GPN3: variants seen among roughly 807,000 people sequenced by gnomAD.
GPN3 encodes GPN-loop GTPase 3.
A neutral mutation model predicts 38.7 loss-of-function variants in GPN3; 31 were observed. The ratio of observed to expected loss-of-function variants is 0.80; its 90% CI spans 0.60 to 1.08. The LOEUF is 1.08. GPN3 is among the 50% of genes least tolerant of loss of function. The pLI is 0.00. For missense variants in GPN3, 301 were observed against 354.4 expected (o/e 0.85, Z 1.21); for synonymous variants, 116 against 120.2 (o/e 0.96, Z 0.23).
rs767355716 is a variant in GPN3 at position 110,453,772 on chromosome 12, C to G, written c.763G>C (p.Gly255Arg). The G allele has an allele frequency of 6.2e-7, 1 of 1,601,078 alleles. No individual in the cohort carries two copies. Among genetic ancestry groups the G allele is most frequent in the Non-Finnish European group, 8.6e-7 (1 of 1,168,382 alleles). The change falls in exon 7 of 8, where the codon GGA (glycine) becomes CGA (arginine). Residue 255 changes from glycine (G) to arginine (R), a missense_variant. Transcript: ENST00000228827. Reference sequence around the variant, plus strand: ...GGTTCTTTAAATTCTAGGTCTTCTCCATATTGAATGGCAAAATCAATATGC... The same window carrying G: ...GGTTCTTTAAATTCTAGGTCTTCTCGATATTGAATGGCAAAATCAATATGC... Reference protein sequence around the residue: ...LQHIDFAIQYGEDLEFKEPKE... With the variant: ...LQHIDFAIQYREDLEFKEPKE...
intron 6 of GPN3, among the ~76,000 whole-genome samples, chr12:110,455,064 T>C (rs2062540107): frequency 6.6e-6 from 1 of 151,200 alleles, no homozygotes; most frequent in Admixed American, 6.6e-5. Flanking sequence ...CCTCAGGTGA[T>C]CCACCCACCT....
chr12:110,468,345 C>G (rs1190043795), upstream of GPN3: 2 of 1,539,266 alleles, frequency 1.3e-6, no homozygotes, highest in Admixed American at 3.9e-5. Flanking sequence ...TACGGGGCAG[C>G]CCGCGGGCCA....
Position 110,455,691 on chromosome 12 carries a change from G to A in GPN3, c.567-9C>T. On this transcript the variant is annotated splice_polypyrimidine_tract_variant and intron_variant, in intron 5 of 7. Coordinates refer to ENST00000228827, the MANE Select transcript of GPN3 (RefSeq NM_016301.4). ...TGTCTGGATCTAAAAATCTTTAAAA[G>A]ACAGAAAGACTGATGAATTCAGGAG... 8.7e-7 allele frequency: 1 copy of A among 1,149,126 alleles called. No individual in the cohort carries two copies. The highest frequency in any genetic ancestry group is 1.3e-6 in the Non-Finnish European group (1 of 762,394). 71.2% of individuals were successfully genotyped at this position (1,149,126 alleles called of 1,614,324 possible).
Position 110,457,690 on chromosome 12 carries a change from G to C in GPN3, c.326-56C>G. ...AATAGCAAGTATGTTAAATCATCAA[G>C]TTAGAGGAAACAAATTTTCCCCATA... On this transcript the variant is annotated intron_variant, in intron 3 of 7. Coordinates refer to ENST00000228827, the MANE Select transcript of GPN3 (RefSeq NM_016301.4). 3 of 1,400,278 alleles carry C rather than the reference G, an allele frequency of 2.1e-6. No homozygotes were observed. The South Asian group carries it at 4.3e-5, about 20-fold the overall frequency. 86.7% of individuals were successfully genotyped at this position (1,400,278 alleles called of 1,614,324 possible). A position where few individuals can be genotyped will look rare whatever the true frequency, so the allele number is the denominator to read the frequency against.
chr12:110,455,537 G>C (rs1460641868), intron 6 of GPN3, 49 bp downstream of exon 6: 2 of 772,144 alleles, frequency 2.6e-6, no homozygotes, highest in Non-Finnish European at 4.6e-6. Context: ...TAGGGTTACA[G>C]GCATTAGCCA....
Position 110,458,666 on chromosome 12 carries a change from G to C in GPN3, c.325+1029C>G, listed in dbSNP as rs960947012. ...GTGGTGGTGGGTGCCTGTAATCCCA[G>C]CTACTTGGGAGACTGAGACAGGAGA... On this transcript the variant is annotated intron_variant, in intron 3 of 7. Coordinates refer to ENST00000228827, the MANE Select transcript of GPN3 (RefSeq NM_016301.4). The surrounding 1 kb of genome is among the most constrained non-coding windows in gnomAD (Gnocchi z 4.4). 6.6e-6 allele frequency among the ~76,000 whole-genome samples: 1 copy of C among 151,950 alleles called. No individual in the cohort carries two copies. Among genetic ancestry groups the C allele is most frequent in the South Asian group, 2.1e-4 (1 of 4,824 alleles).
In GPN3 at chr12:110,452,889, T is replaced by G; in HGVS notation, c.*145A>C. 1.6e-6 allele frequency: 1 copy of G among 636,160 alleles called. No individual in the cohort carries two copies. The highest frequency in any genetic ancestry group is 2.9e-6 in the Non-Finnish European group (1 of 348,834). The allele number at this position is 636,160 out of a possible 1,614,324, so 39.4% of individuals were successfully genotyped here. ...AGCAGTTTCAGAATAATTAAAAATT[T>G]GATTCAGGCATGAGGCTGATAAAGA... On this transcript the variant is annotated 3_prime_UTR_variant, in exon 8 of 8. Coordinates refer to ENST00000228827, the MANE Select transcript of GPN3 (RefSeq NM_016301.4).
chr12:110,457,690 GT>G, intron 3 of GPN3, 56 bp from the exon 4 acceptor site: 1 of 1,400,276 alleles, frequency 7.1e-7, no homozygotes, highest in Non-Finnish European at 9.7e-7. Context: ...AAATCATCAA[GT>G]TAGAGGAAAC....
chr12:110,459,917 C>A, intron 2 of GPN3, 55 bp from the exon 3 acceptor site: 1 of 1,401,228 alleles, frequency 7.1e-7, no homozygotes, highest in Non-Finnish European at 9.9e-7. Flanking sequence ...AATTGTTATC[C>A]TTACTAGAAA....
Position 110,468,173 on chromosome 12 carries a change from G to A in GPN3, c.31C>T (p.Pro11Ser). 1 of 1,612,978 alleles carries A rather than the reference G, an allele frequency of 6.2e-7. No individual in the cohort carries two copies. Among genetic ancestry groups the A allele is most frequent in the Non-Finnish European group, 8.5e-7 (1 of 1,180,010 alleles). MPRYAQLVMGPAGSGKSTYCA... is the reference protein window; with the variant it reads MPRYAQLVMGSAGSGKSTYCA... ...ATCCTCACCTTCCCGCTGCCCGCGGGGCCCATGACCAGCTGCGCATACCGA... is the reference window on the plus strand; with the variant it reads ...ATCCTCACCTTCCCGCTGCCCGCGGAGCCCATGACCAGCTGCGCATACCGA... Residue 11 changes from proline to serine, a missense_variant, in exon 1 of 8, where the codon CCC becomes TCC. Physicochemically the swap from Pro to Ser is moderately conservative, Grantham distance 74. Transcript: ENST00000228827.
intron 4 of GPN3, among the ~76,000 whole-genome samples, chr12:110,456,329 C>CAAAAAAAAAAAA (rs59734369): frequency 1.5e-5 from 1 of 67,062 alleles, no homozygotes. Flanking sequence ...AACTTGGTCT[C>CAAAAAAAAAAAA]AAAAAAAAAA....
chr12:110,466,279 T>TC (rs1295343339), intron 1 of GPN3, among the ~76,000 whole-genome samples: 1 of 152,060 alleles, frequency 6.6e-6, no homozygotes, highest in African/African-American at 2.4e-5. Context: ...CATGTTTTTT[T>TC]CCCCATACAA....
chr12:110,468,546 C>T (rs1355070318), upstream of GPN3: 2 of 1,537,154 alleles, frequency 1.3e-6, no homozygotes, highest in Admixed American at 3.9e-5. Flanking sequence ...TGCGTGCAGA[C>T]GTTTGACCTG....
At chr12:110,456,845 G>A (rs1026478203) in intron 4 of GPN3, among the ~76,000 whole-genome samples, 21 of 151,962 alleles carry the variant, frequency 1.4e-4, no homozygotes, top group Non-Finnish European at 1.3e-4. Context: ...CTACAGGCAT[G>A]TGCCACAACG....
rs1014293706 is a variant in GPN3 at position 110,452,905 on chromosome 12, C to G, written c.*129G>C. ...TTAAAAATTTGATTCAGGCATGAGG[C>G]TGATAAAGAACGAAGTTTTACTTTT... is the stretch of plus-strand genomic sequence containing the variant. On this transcript the variant is annotated 3_prime_UTR_variant, in exon 8 of 8. Transcript: ENST00000228827. 39 of 678,398 alleles carry G rather than the reference C, an allele frequency of 5.7e-5. No individual in the cohort carries two copies. Among genetic ancestry groups the G allele is most frequent in the African/African-American group, 2.2e-4 (12 of 55,486 alleles). 42.0% of individuals were successfully genotyped at this position (678,398 alleles called of 1,614,324 possible).
chr12:110,468,671 G>A (rs2062656396), upstream of GPN3: 2 of 1,536,220 alleles, frequency 1.3e-6, no homozygotes, highest in Non-Finnish European at 1.7e-6. Flanking sequence ...TGCTTCCACA[G>A]AGAGGTGCAA....
chr12:110,463,895 T>C (rs1297806310), intron 2 of GPN3, among the ~76,000 whole-genome samples: 5 of 152,174 alleles, frequency 3.3e-5, no homozygotes, highest in South Asian at 2.1e-4. Flanking sequence ...TATCATGTCC[T>C]GTTAGCCCCT....
At chr12:110,453,369 G>A (rs1436530705) in intron 7 of GPN3, among the ~76,000 whole-genome samples, 1 of 152,036 alleles carries the variant, frequency 6.6e-6, no homozygotes, top group African/African-American at 2.4e-5. Flanking sequence ...TCCTGTGATA[G>A]TGCTTTACTT....
intron 3 of GPN3, 31 bp downstream of exon 3, chr12:110,459,664 G>C: frequency 6.7e-7 from 1 of 1,482,890 alleles, no homozygotes. Context: ...AAGACTTTAA[G>C]GAAGACAATG....
Sources: allele counts gnomAD v4.1 joint callset (sites outside exome capture counted in the v4.1 genomes callset), GRCh38; gene constraint gnomAD v4.1.1; non-coding constraint Gnocchi (gnomAD v3.1); transcripts MANE v1.5; gene names NCBI Gene and HGNC (gene_info 2026-07-23, HGNC 2026-07-21).